SLC23A2: variants seen among roughly 807,000 people sequenced by gnomAD.
SLC23A2 encodes solute carrier family 23 member 2.
Under a neutral mutation model 73.3 loss-of-function variants are expected in SLC23A2, and 36 were observed. The ratio of observed to expected loss-of-function variants is 0.49; its 90% CI spans 0.38 to 0.65. The LOEUF is 0.65. SLC23A2 is among the 30% of genes least tolerant of loss of function. SLC23A2 has a pLI of 0.00. For missense variants in SLC23A2, 507 were observed against 841.6 expected (o/e 0.60, Z 4.92); for synonymous variants, 343 against 327.3 (o/e 1.05, Z -0.52).
intron 16 of SLC23A2, among the ~76,000 whole-genome samples, chr20:4,858,205 G>A (rs115142559): frequency 0.011 from 1,746 of 152,280 alleles, 35 homozygotes; most frequent in African/African-American, 0.04. Context: ...TTGTGCTTCT[G>A]CGGGGATGAA....
intron 3 of SLC23A2, among the ~76,000 whole-genome samples, chr20:4,929,859 G>A (rs1287706063): frequency 6.6e-6 from 1 of 152,200 alleles, no homozygotes; most frequent in Non-Finnish European, 1.5e-5. Context: ...AAAGAGAAAT[G>A]AGGACAGGCT....
chr20:4,938,638 T>C (rs1485499752), intron 2 of SLC23A2, among the ~76,000 whole-genome samples: 3 of 152,214 alleles, frequency 2.0e-5, no homozygotes, highest in Non-Finnish European at 4.4e-5. Flanking sequence ...CATTCCATCT[T>C]GATGGCTCTA....
At chr20:4,904,475 A>C (rs1221634807) in intron 4 of SLC23A2, among the ~76,000 whole-genome samples, 7 of 151,508 alleles carry the variant, frequency 4.6e-5, no homozygotes, top group African/African-American at 1.7e-4. Context: ...CAAAAAAAAA[A>C]CCCTTAACTG....
At chr20:4,952,170 T>C (rs1007492171) in intron 2 of SLC23A2, among the ~76,000 whole-genome samples, 3 of 148,116 alleles carry the variant, frequency 2.0e-5, no homozygotes, top group Admixed American at 6.7e-5. Context: ...ATAAAAGATG[T>C]AGACTAAAAA....
chr20:4,861,884 C>A, intron 15 of SLC23A2, 64 bp downstream of exon 15: 1 of 1,570,898 alleles, frequency 6.4e-7, no homozygotes. Flanking sequence ...GGGCAAAGAG[C>A]TGCGTGTGGA....
intron 1 of SLC23A2, among the ~76,000 whole-genome samples, chr20:4,999,511 C>T (rs1048071585): frequency 6.6e-6 from 1 of 151,686 alleles, no homozygotes; most frequent in African/African-American, 2.4e-5. Context: ...CTACATTTTT[C>T]TAGCCAGGTA....
chr20:4,950,330 C>T (rs1302137979), intron 2 of SLC23A2, among the ~76,000 whole-genome samples: 2 of 152,160 alleles, frequency 1.3e-5, no homozygotes, highest in African/African-American at 2.4e-5. Context: ...TCCATTTCCC[C>T]AATCAGGGCC....
intron 2 of SLC23A2, among the ~76,000 whole-genome samples, chr20:4,941,370 A>T (rs111625431): frequency 0.011 from 1,633 of 152,166 alleles, 38 homozygotes; most frequent in African/African-American, 0.038. Context: ...CTCTACAAAA[A>T]ATGAAATTTT....
At chr20:4,891,129 G>T (rs562050198) in intron 6 of SLC23A2, among the ~76,000 whole-genome samples, 1 of 148,222 alleles carries the variant, frequency 6.7e-6, no homozygotes, top group African/African-American at 2.5e-5. Context: ...GCAGTCACCT[G>T]CCTAAAAAGG....
chr20:4,938,832 C>T (rs1026211780), intron 2 of SLC23A2, among the ~76,000 whole-genome samples: 1 of 152,192 alleles, frequency 6.6e-6, no homozygotes, highest in Non-Finnish European at 1.5e-5. Context: ...TCTCCTATCT[C>T]TCAGGACCCT....
At chr20:4,918,029 G>C (rs1316709156) in intron 3 of SLC23A2, among the ~76,000 whole-genome samples, 3 of 152,292 alleles carry the variant, frequency 2.0e-5, no homozygotes, top group East Asian at 3.9e-4. Context: ...ATCAGTTCTT[G>C]AGGACTGAAT....
chr20:4,857,275 C>T lies in SLC23A2; in HGVS notation c.1721-71G>A, dbSNP rs1929749357. 2 of 612,486 alleles carry T rather than the reference C, an allele frequency of 3.3e-6. No individual in the cohort carries two copies. Among genetic ancestry groups the T allele is most frequent in the Non-Finnish European group, 5.7e-6 (2 of 349,246 alleles). The allele number at this position is 612,486 out of a possible 1,614,324, so 37.9% of individuals were successfully genotyped here. On this transcript the variant is annotated intron_variant, in intron 16 of 16. Transcript: ENST00000338244. This position sits in a 1 kb window ranked among gnomAD's most constrained non-coding sequence, Gnocchi z 4.0. ...GCTCTACTGAAAATGAAACTGTCGT[C>T]AAACACATACACACACACACACACA...
chr20:4,911,019 G>A (rs1018305038), intron 4 of SLC23A2, among the ~76,000 whole-genome samples: 1 of 152,182 alleles, frequency 6.6e-6, no homozygotes, highest in Non-Finnish European at 1.5e-5. Flanking sequence ...TATTTCTAAA[G>A]ACGATCTCCA....
intron 3 of SLC23A2, among the ~76,000 whole-genome samples, chr20:4,925,180 C>CAA (rs575469662): frequency 5.8e-4 from 44 of 76,414 alleles, no homozygotes; most frequent in African/African-American, 1.9e-3. Flanking sequence ...AAGACTCTGT[C>CAA]AAAAAAAAAA....
intron 2 of SLC23A2, among the ~76,000 whole-genome samples, chr20:4,965,005 G>A (rs994632964): frequency 6.6e-6 from 1 of 151,762 alleles, no homozygotes; most frequent in African/African-American, 2.4e-5. Context: ...TTTCTACAGT[G>A]TACATATGTC....
At chr20:5,001,756 CAG>C (rs2088131836), upstream of SLC23A2, among the ~76,000 whole-genome samples, 1 of 151,962 alleles carries the variant, frequency 6.6e-6, no homozygotes, top group Non-Finnish European at 1.5e-5. Context: ...CCCTTCCCAC[CAG>C]TCACACCTGT....
intron 6 of SLC23A2, among the ~76,000 whole-genome samples, chr20:4,891,553 G>A (rs1352261466): frequency 6.6e-6 from 1 of 152,224 alleles, no homozygotes; most frequent in Non-Finnish European, 1.5e-5. Context: ...ACCCTGGCTG[G>A]GGACACTGGC....
chr20:4,955,747 C>T (rs1404024808), intron 2 of SLC23A2, among the ~76,000 whole-genome samples: 2 of 151,754 alleles, frequency 1.3e-5, no homozygotes, highest in African/African-American at 4.8e-5. Flanking sequence ...AGAGATGGGG[C>T]CGCTGTACTC....
intron 6 of SLC23A2, among the ~76,000 whole-genome samples, chr20:4,894,661 G>T (rs1931453528): frequency 6.6e-6 from 1 of 152,178 alleles, no homozygotes; most frequent in Non-Finnish European, 1.5e-5. Flanking sequence ...AGTGGGCAAG[G>T]TGATGCCCTC....
Sources: gnomAD v4.1 joint callset for allele counts (sites outside exome capture counted in the v4.1 genomes callset) on GRCh38, gnomAD v4.1.1 for gene constraint, Gnocchi (gnomAD v3.1) non-coding constraint, MANE v1.5 for transcripts, NCBI Gene and HGNC (gene_info 2026-07-23, HGNC 2026-07-21) for gene names.